DLGAP2: variants seen among roughly 807,000 people sequenced by gnomAD.
DLGAP2 encodes DLG associated protein 2, also known as disks large-associated protein 2.
A neutral mutation model predicts 100.3 loss-of-function variants in DLGAP2; 26 were observed. The observed-to-expected ratio is 0.26, with a 90% CI of 0.19 to 0.36. The LOEUF is 0.36. DLGAP2 is among the 10% of genes least tolerant of loss of function. The pLI is 1.00. For synonymous variants in DLGAP2, 886 were observed against 630.1 expected, an observed-to-expected ratio of 1.41 and a Z score of -6.08; for missense variants, 1,858 against 1,453.2, an observed-to-expected ratio of 1.28 and a Z score of -4.53.
chr8:842,277 G>A (rs569643022), intron 1 of DLGAP2, among the ~76,000 whole-genome samples: 111 of 152,270 alleles, frequency 7.3e-4, no homozygotes, highest in African/African-American at 2.6e-3. Context: ...GCGATTGTAC[G>A]TTGCTGTCAG....
chr8:936,203 G>T (rs1799067002), intron 2 of DLGAP2, among the ~76,000 whole-genome samples: 1 of 152,172 alleles, frequency 6.6e-6, no homozygotes, highest in East Asian at 1.9e-4. Flanking sequence ...AGTCTGTGTG[G>T]CCCGGTCAGC....
At chr8:1,206,784 C>G (rs1798005116) in intron 2 of DLGAP2, among the ~76,000 whole-genome samples, 1 of 152,204 alleles carries the variant, frequency 6.6e-6, no homozygotes, top group Non-Finnish European at 1.5e-5. Context: ...TCGCTGCTAC[C>G]ATTCTTTGTC....
intron 3 of DLGAP2, among the ~76,000 whole-genome samples, chr8:1,412,782 C>T (rs1013012): frequency 0.01 from 1,598 of 152,336 alleles, 27 homozygotes; most frequent in African/African-American, 0.037. Flanking sequence ...CATTCTGACT[C>T]TAACATACCC....
chr8:756,945 G>A (rs192668160), intron 1 of DLGAP2, among the ~76,000 whole-genome samples: 325 of 152,240 alleles, frequency 2.1e-3, no homozygotes, highest in African/African-American at 7.6e-3. Flanking sequence ...TCTGGCTCTC[G>A]AGTTTTCTGC....
At chr8:1,356,837 T>C (rs1312014468) in intron 3 of DLGAP2, among the ~76,000 whole-genome samples, 1 of 152,136 alleles carries the variant, frequency 6.6e-6, no homozygotes, top group Non-Finnish European at 1.5e-5. Flanking sequence ...GATGTAACAC[T>C]ACAGTAAGGA....
At chr8:1,058,375 C>T (rs771855812) in intron 2 of DLGAP2, among the ~76,000 whole-genome samples, 9 of 152,248 alleles carry the variant, frequency 5.9e-5, no homozygotes, top group Non-Finnish European at 1.2e-4. Flanking sequence ...CTGACTGCTG[C>T]AGGCCATGCT....
At chr8:1,066,784 G>A (rs1435958113) in intron 2 of DLGAP2, among the ~76,000 whole-genome samples, 2 of 152,226 alleles carry the variant, frequency 1.3e-5, no homozygotes, top group African/African-American at 4.8e-5. Flanking sequence ...TGTCTGGATG[G>A]CAAAGCTGTG....
At chr8:754,726 C>T (rs980103094) in intron 1 of DLGAP2, among the ~76,000 whole-genome samples, 6 of 152,124 alleles carry the variant, frequency 3.9e-5, no homozygotes, top group Non-Finnish European at 7.4e-5. Flanking sequence ...ACCAGTAATC[C>T]GGTCACTCAG....
intron 2 of DLGAP2, among the ~76,000 whole-genome samples, chr8:1,115,595 C>T (rs1585074333): frequency 6.6e-6 from 1 of 152,176 alleles, no homozygotes; most frequent in Non-Finnish European, 1.5e-5. Flanking sequence ...GATCTAAATA[C>T]AGTGGTGGCA....
At chr8:1,576,399 T>G (rs1305158729) in intron 6 of DLGAP2, among the ~76,000 whole-genome samples, 1 of 152,200 alleles carries the variant, frequency 6.6e-6, no homozygotes, top group Non-Finnish European at 1.5e-5. Flanking sequence ...TTGCAAAAAT[T>G]TTCTCCCATT....
chr8:945,317 T>A (rs148791126), intron 2 of DLGAP2, among the ~76,000 whole-genome samples: 73 of 152,292 alleles, frequency 4.8e-4, no homozygotes, highest in Middle Eastern at 3.4e-3. Flanking sequence ...CCTTGGCCTG[T>A]CACCAGAAAC....
intron 8 of DLGAP2, among the ~76,000 whole-genome samples, chr8:1,638,712 C>A (rs1025272115): frequency 6.6e-6 from 1 of 152,086 alleles, no homozygotes; most frequent in African/African-American, 2.4e-5. Flanking sequence ...CCTGCCCCAG[C>A]CGTGGATGAG....
chr8:1,250,250 T>A (rs1799008529), intron 2 of DLGAP2: 1 of 152,216 alleles, frequency 6.6e-6, no homozygotes. Context: ...GATATGGCAT[T>A]TCAGGACGTG....
chr8:1,243,634 G>C (rs1798844392), intron 2 of DLGAP2, among the ~76,000 whole-genome samples: 1 of 152,044 alleles, frequency 6.6e-6, no homozygotes, highest in African/African-American at 2.4e-5. Flanking sequence ...TCCCTAAAGA[G>C]GATTCATGGC....
At chr8:1,354,460 C>A (rs140220311) in intron 3 of DLGAP2, among the ~76,000 whole-genome samples, 2 of 152,190 alleles carry the variant, frequency 1.3e-5, no homozygotes, top group Non-Finnish European at 2.9e-5. Context: ...TTACAGTGAG[C>A]TGATATTGAG....
chr8:1,561,261 A>G (rs1802149089), intron 5 of DLGAP2, among the ~76,000 whole-genome samples: 1 of 145,828 alleles, frequency 6.9e-6, no homozygotes, highest in African/African-American at 2.5e-5. Context: ...TAAATTGCCC[A>G]GTCTGGGGTA....
intron 3 of DLGAP2, among the ~76,000 whole-genome samples, chr8:1,473,971 C>T (rs1485194072): frequency 6.6e-6 from 1 of 152,182 alleles, no homozygotes; most frequent in Non-Finnish European, 1.5e-5. Context: ...TCTTCATCAG[C>T]AGCATGAAAA....
At chr8:1,485,481 T>C (rs1213681909) in intron 3 of DLGAP2, among the ~76,000 whole-genome samples, 1 of 152,258 alleles carries the variant, frequency 6.6e-6, no homozygotes, top group East Asian at 1.9e-4. Flanking sequence ...ATGTAAGTAA[T>C]GGACTCGCTG....
chr8:931,051 G>C (rs905516133), intron 2 of DLGAP2, among the ~76,000 whole-genome samples: 1 of 152,148 alleles, frequency 6.6e-6, no homozygotes, highest in Non-Finnish European at 1.5e-5. Context: ...ATGATTTCCC[G>C]AGGTGGGGGC....
Sources: allele counts gnomAD v4.1 joint callset (sites outside exome capture counted in the v4.1 genomes callset), GRCh38; gene constraint gnomAD v4.1.1; transcripts MANE v1.5; gene names NCBI Gene and HGNC (gene_info 2026-07-23, HGNC 2026-07-21).